SATB2: variants seen among roughly 807,000 people sequenced by gnomAD.
SATB2 encodes the protein SATB homeobox 2.
Under a neutral mutation model 73.4 loss-of-function variants are expected in SATB2, and 1 was observed. The ratio of observed to expected loss-of-function variants is 0.01; its 90% CI spans 0.00 to 0.06. The LOEUF (loss-of-function observed/expected upper bound fraction) is 0.06. Among genes scored for constraint, SATB2 ranks in the 10% least tolerant of loss-of-function variants. The pLI, the probability that SATB2 is intolerant of heterozygous loss-of-function variation, is 1.00. For missense variants in SATB2, 459 were observed against 945.8 expected (o/e 0.49, Z 6.75); for synonymous variants, 397 against 367.0 (o/e 1.08, Z -0.93).
At chr2:199,436,970 G>A (rs1420912735) in intron 2 of SATB2, among the ~76,000 whole-genome samples, 1 of 151,762 alleles carries the variant, frequency 6.6e-6, no homozygotes, top group Admixed American at 6.6e-5. Flanking sequence ...GGAGGTGCTT[G>A]AAAAGCACTT....
intron 6 of SATB2, among the ~76,000 whole-genome samples, chr2:199,358,747 CAT>C (rs1689056953): frequency 6.6e-6 from 1 of 152,126 alleles, no homozygotes; most frequent in Non-Finnish European, 1.5e-5. Context: ...TCCACAGAAA[CAT>C]ATATCCACCA....
chr2:199,458,205 C>T, upstream of SATB2: 1 of 55,804 alleles, frequency 1.8e-5, no homozygotes, highest in African/African-American at 1.0e-3. Context: ...GAGTGGGGGG[C>T]GGGGAGGAGG....
chr2:199,314,780 T>C (rs970306656), intron 9 of SATB2, among the ~76,000 whole-genome samples: 3 of 152,068 alleles, frequency 2.0e-5, no homozygotes, highest in Non-Finnish European at 4.4e-5. Context: ...TTATAAAGAA[T>C]GTCATGCAAA....
chr2:199,405,049 T>A (rs1690589799), intron 3 of SATB2, among the ~76,000 whole-genome samples: 1 of 152,174 alleles, frequency 6.6e-6, no homozygotes, highest in African/African-American at 2.4e-5. Flanking sequence ...TGAATGTGAG[T>A]TGGCAAATAT....
intron 6 of SATB2, among the ~76,000 whole-genome samples, chr2:199,359,801 C>T (rs1169899711): frequency 6.6e-6 from 1 of 152,020 alleles, no homozygotes; most frequent in Non-Finnish European, 1.5e-5. Flanking sequence ...GTACATAAAA[C>T]TTAGAAAGGT....
Position 199,415,667 on chromosome 2 carries a change from T to C in SATB2, c.346+17671A>G, listed in dbSNP as rs1357863013. On this transcript the variant is annotated intron_variant, in intron 3 of 10. Transcript: ENST00000417098. ...TGATTAAATAACTAAATCCCTGATT[T>C]ATCCAATGAGGTTGTGCCTGGTGAG... 2.6e-5 allele frequency among the ~76,000 whole-genome samples: 4 copies of C among 152,332 alleles called. No homozygotes were observed. In the South Asian group the frequency reaches 8.3e-4, roughly 32 times the overall value.
intron 5 of SATB2, among the ~76,000 whole-genome samples, chr2:199,373,509 T>G (rs1237279965): frequency 6.6e-6 from 1 of 152,108 alleles, no homozygotes; most frequent in African/African-American, 2.4e-5. Flanking sequence ...CTTTGGAGTA[T>G]GAAAACACTA....
At chr2:199,339,018 A>G (rs1688425588) in intron 7 of SATB2, among the ~76,000 whole-genome samples, 1 of 152,146 alleles carries the variant, frequency 6.6e-6, no homozygotes, top group Non-Finnish European at 1.5e-5. Flanking sequence ...AAAGGAGAAA[A>G]GAAAGGTCTT....
chr2:199,319,341 A>C (rs1443501538), intron 9 of SATB2, among the ~76,000 whole-genome samples: 1 of 152,142 alleles, frequency 6.6e-6, no homozygotes, highest in African/African-American at 2.4e-5. Context: ...CTTTGTAAAG[A>C]TGAGGACATC....
At chr2:199,333,451 A>T (rs908259716) in intron 7 of SATB2, among the ~76,000 whole-genome samples, 2 of 152,120 alleles carry the variant, frequency 1.3e-5, no homozygotes, top group African/African-American at 4.8e-5. Flanking sequence ...TTTTAAATAT[A>T]GATAGTACAT....
intron 5 of SATB2, among the ~76,000 whole-genome samples, chr2:199,378,047 A>G (rs116690932): frequency 0.026 from 4,025 of 152,292 alleles, 183 homozygotes; most frequent in African/African-American, 0.093. Flanking sequence ...CCCAGCTTAT[A>G]GAAGAGTTTA....
At chr2:199,406,038 C>T (rs1047542865) in intron 3 of SATB2, among the ~76,000 whole-genome samples, 1 of 152,008 alleles carries the variant, frequency 6.6e-6, no homozygotes, top group Non-Finnish European at 1.5e-5. Flanking sequence ...ACTTACATAG[C>T]ATTTACATTG....
At chr2:199,311,609 T>A (rs1328978275) in intron 9 of SATB2, among the ~76,000 whole-genome samples, 1 of 152,162 alleles carries the variant, frequency 6.6e-6, no homozygotes, top group African/African-American at 2.4e-5. Context: ...CTACGGGCGC[T>A]CCTGTGATGC....
intron 5 of SATB2, among the ~76,000 whole-genome samples, chr2:199,372,474 G>A (rs975774837): frequency 2.6e-5 from 4 of 152,138 alleles, no homozygotes; most frequent in African/African-American, 7.2e-5. Flanking sequence ...TCACTTGTTT[G>A]TTTTTCAACT....
intron 2 of SATB2, among the ~76,000 whole-genome samples, chr2:199,442,394 C>G (rs1691844849): frequency 6.6e-6 from 1 of 152,176 alleles, no homozygotes; most frequent in Non-Finnish European, 1.5e-5. Flanking sequence ...ACGGGCATCG[C>G]ATGGATGGGT....
At chr2:199,408,513 G>A (rs1690704289) in intron 3 of SATB2, among the ~76,000 whole-genome samples, 1 of 152,086 alleles carries the variant, frequency 6.6e-6, no homozygotes, top group Admixed American at 6.5e-5. Flanking sequence ...GAGGGACCAT[G>A]AGCAACCAGA....
chr2:199,281,476 G>T (rs1435259631), intron 10 of SATB2, among the ~76,000 whole-genome samples: 4 of 24,324 alleles, frequency 1.6e-4, no homozygotes, highest in Non-Finnish European at 5.2e-4. Context: ...GATGATATGA[G>T]ATATATACAC....
At chr2:199,394,631 C>CAAAAAT (rs1272514861) in intron 3 of SATB2, among the ~76,000 whole-genome samples, 7 of 151,748 alleles carry the variant, frequency 4.6e-5, no homozygotes, top group Non-Finnish European at 1.0e-4. Context: ...CCTGTCTCTG[C>CAAAAAT]AAAAATAAAA....
chr2:199,418,578 T>C (rs2105911299), intron 3 of SATB2, among the ~76,000 whole-genome samples: 1 of 152,350 alleles, frequency 6.6e-6, no homozygotes, highest in Middle Eastern at 3.4e-3. Context: ...GAATTTATTT[T>C]CAAATCTTAA....
Sources: gnomAD v4.1 joint callset for allele counts (sites outside exome capture counted in the v4.1 genomes callset) on GRCh38, gnomAD v4.1.1 for gene constraint, MANE v1.5 for transcripts, NCBI Gene and HGNC (gene_info 2026-07-23, HGNC 2026-07-21) for gene names.